Variants in LETM1 observed in about 807,000 individuals in gnomAD.
The protein encoded by LETM1 is mitochondrial proton/calcium exchanger protein.
In LETM1, 50 loss-of-function variants were observed where a neutral mutation model predicts 74.5. The observed-to-expected ratio is 0.67, with a 90% confidence interval of 0.53 to 0.85. LETM1 has a LOEUF of 0.85. Ranked by LOEUF, LETM1 falls within the 40% of genes least tolerant of loss-of-function variation. The pLI is 0.00. For missense variants in LETM1, 824 were observed against 967.8 expected (o/e 0.85, Z 1.97); for synonymous variants, 446 against 407.1 (o/e 1.10, Z -1.15).
In LETM1 at chr4:1,823,746, G is replaced by T; in HGVS notation, c.1230C>A (p.Ile410=). The T allele has an allele frequency of 6.2e-7, 1 of 1,613,446 alleles. No individual in the cohort carries two copies. The highest frequency in any genetic ancestry group is 8.5e-7 in the Non-Finnish European group (1 of 1,179,718). Residue 410 remains isoleucine (I), a synonymous_variant, in exon 8 of 14, where the codon ATC becomes ATA. Coordinates refer to ENST00000302787, the MANE Select transcript of LETM1 (RefSeq NM_012318.3). ...QWLDLHLHQE[I]PTSLLILSRA... The stretch of plus-strand genomic sequence containing the variant: ...GGGACAGGATGAGCAGCGATGTGGG[G>T]ATCTCCTGATGCAGGTGCAGGTCCA...
rs763720097 is a variant in LETM1 at position 1,822,195 on chromosome 4, G to A, written c.1594C>T (p.Leu532=). The part of the protein sequence containing the change: ...SETLKDTAPV[L]EGLKEEEITK... ...TGCCTCATTACCTTCAAGCCCTCCA[G>A]CACCGGGGCAGTGTCCTTCAAGGTC... The change falls in exon 10 of 14, where the codon CTG becomes TTG. Residue 532 remains leucine (L), a synonymous_variant. Transcript: ENST00000302787. 1.2e-5 allele frequency: 17 copies of A among 1,462,650 alleles called. No homozygotes were observed. The highest frequency in any genetic ancestry group is 1.6e-5 in the Non-Finnish European group (17 of 1,093,478). The allele number at this position is 1,462,650 out of a possible 1,614,324, so 90.6% of individuals were successfully genotyped here. A position where few individuals can be genotyped will look rare whatever the true frequency, so the allele number is the denominator to read the frequency against.
chr4:1,817,697 T>C (rs1014969825), intron 11 of LETM1, among the ~76,000 whole-genome samples: 1 of 152,218 alleles, frequency 6.6e-6, no homozygotes, highest in Admixed American at 6.5e-5. Flanking sequence ...GCAAAAGACA[T>C]AGAATCTATT....
chr4:1,837,760 A>G (rs1026545121), intron 3 of LETM1, among the ~76,000 whole-genome samples: 4 of 148,952 alleles, frequency 2.7e-5, no homozygotes, highest in African/African-American at 1.0e-4. Flanking sequence ...CTGGAGTGCA[A>G]TCGCCTGATC....
chr4:1,848,715 C>CAAAA (rs927486416), intron 2 of LETM1, among the ~76,000 whole-genome samples: 23 of 43,830 alleles, frequency 5.2e-4, no homozygotes, highest in Middle Eastern at 0.015. Context: ...GGCTCTGTCT[C>CAAAA]AAAAAAAAAA....
intron 12 of LETM1, among the ~76,000 whole-genome samples, chr4:1,816,045 G>A (rs1351062734): frequency 3.3e-5 from 5 of 152,266 alleles, no homozygotes; most frequent in African/African-American, 1.2e-4. Context: ...GGGCATGTCT[G>A]CCCCTCAGTG....
chr4:1,855,726 C>G (rs1420112073), intron 1 of LETM1, 143 bp downstream of exon 1: 2 of 435,404 alleles, frequency 4.6e-6, no homozygotes, highest in Admixed American at 4.9e-5. Context: ...AGACCCGGGG[C>G]CCCACGGTCC....
chr4:1,844,898 A>AG (rs1483611787), intron 2 of LETM1, among the ~76,000 whole-genome samples: 1 of 151,228 alleles, frequency 6.6e-6, no homozygotes, highest in East Asian at 1.9e-4. Flanking sequence ...AAAAAAAAAA[A>AG]AAAAAAAAAA....
chr4:1,828,366 C>T (rs1282838711), intron 6 of LETM1, among the ~76,000 whole-genome samples: 2 of 109,368 alleles, frequency 1.8e-5, no homozygotes, highest in Admixed American at 8.3e-5. Context: ...GGCGGCTGGC[C>T]GGGCGGGGGG....
intron 10 of LETM1, among the ~76,000 whole-genome samples, chr4:1,820,942 T>C (rs564338572): frequency 6.6e-6 from 1 of 152,158 alleles, no homozygotes; most frequent in Non-Finnish European, 1.5e-5. Flanking sequence ...GAGAATCACT[T>C]GAGCCTGGGA....
At position 1,834,616 on chromosome 4, in the gene LETM1, C is replaced by T. The variant is rs1712399101; in HGVS notation, c.876+229G>A. ...TGCAGGGTGATGAGACACAGACGCC[C>T]ATAATTCTGAAGGCTGACGAGGCGC... On this transcript the variant is annotated intron_variant, in intron 5 of 13. Coordinates refer to ENST00000302787, the MANE Select transcript of LETM1 (RefSeq NM_012318.3). This position sits in a 1 kb window ranked among gnomAD's most constrained non-coding sequence, Gnocchi z 5.0. 1 of 1,367,782 alleles carries T rather than the reference C, an allele frequency of 7.3e-7. No individual in the cohort carries two copies. Among genetic ancestry groups the T allele is most frequent in the Admixed American group, 3.2e-5 (1 of 31,568 alleles). The allele number at this position is 1,367,782 out of a possible 1,614,324, so 84.7% of individuals were successfully genotyped here.
At chr4:1,824,477 G>C (rs1711910584) in intron 7 of LETM1, among the ~76,000 whole-genome samples, 1 of 152,214 alleles carries the variant, frequency 6.6e-6, no homozygotes, top group South Asian at 2.1e-4. Context: ...AAATGGGCAA[G>C]AAAGACCGTG....
At chr4:1,855,052 G>A (rs774863330) in intron 1 of LETM1, among the ~76,000 whole-genome samples, 2 of 152,084 alleles carry the variant, frequency 1.3e-5, no homozygotes, top group Non-Finnish European at 2.9e-5. Context: ...AAAATTAGCT[G>A]GGTGTTGTGT....
In LETM1 at chr4:1,841,601, C is replaced by G. The variant is rs758109935; in HGVS notation, c.340G>C (p.Val114Leu). Residue 114 changes from valine (V) to leucine (L), a missense_variant, in exon 3 of 14, where the codon GTT becomes CTT. Val to Leu is a conservative substitution (Grantham distance 32, BLOSUM62 1). Around this residue, in one of 4 missense-constraint regions of LETM1, gnomAD observed 222 missense variants for 195.6 expected, o/e 1.14. Coordinates refer to ENST00000302787, the MANE Select transcript of LETM1 (RefSeq NM_012318.3). Reference sequence around the variant, plus strand: ...TTCTCTACTACCGAGTCATCGCGAACAGGGCGCGAAGAGTGCCAGCCACGC... The same window carrying G: ...TTCTCTACTACCGAGTCATCGCGAAGAGGGCGCGAAGAGTGCCAGCCACGC... ...PVRGWHSSRP[V>L]RDDSVVEKSL... 32 of 1,614,096 alleles carry G rather than the reference C, an allele frequency of 2.0e-5. No homozygotes were observed. The Admixed American group carries it at 5.3e-4, about 27-fold the overall frequency.
intron 3 of LETM1, among the ~76,000 whole-genome samples, chr4:1,840,529 T>C (rs1712650024): frequency 6.6e-6 from 1 of 151,208 alleles, no homozygotes; most frequent in African/African-American, 2.4e-5. Context: ...TAGCCGGGCG[T>C]GGTGGCGGGT....
intron 1 of LETM1, among the ~76,000 whole-genome samples, chr4:1,854,815 CAAAA>C (rs753144811): frequency 6.7e-6 from 1 of 149,492 alleles, no homozygotes; most frequent in Non-Finnish European, 1.5e-5. Context: ...AACAAACAAA[CAAAA>C]AAAAACAAGA....
At chr4:1,848,331 G>A (rs1292715285) in intron 2 of LETM1, among the ~76,000 whole-genome samples, 3 of 152,066 alleles carry the variant, frequency 2.0e-5, no homozygotes, top group East Asian at 1.9e-4. Context: ...GGCGGATCAC[G>A]AGGTCAGGAG....
At chr4:1,825,837 G>C (rs1711968426) in intron 6 of LETM1, among the ~76,000 whole-genome samples, 154 bp from the exon 7 acceptor site, 1 of 152,160 alleles carries the variant, frequency 6.6e-6, no homozygotes, top group Non-Finnish European at 1.5e-5. Context: ...GAAGTGACTG[G>C]AAGCCTGTGA....
intron 6 of LETM1, among the ~76,000 whole-genome samples, chr4:1,829,535 C>A (rs950139133): frequency 6.6e-6 from 1 of 152,266 alleles, no homozygotes; most frequent in Non-Finnish European, 1.5e-5. Context: ...CCGTTCTTGG[C>A]CAGGAACAGT....
chr4:1,850,141 T>A (rs1273128786), intron 1 of LETM1, among the ~76,000 whole-genome samples: 1 of 149,612 alleles, frequency 6.7e-6, no homozygotes, highest in Admixed American at 6.7e-5. Context: ...GCAACAAGAG[T>A]GAAACTCCGT....
Sources: gnomAD v4.1 joint callset for allele counts (sites outside exome capture counted in the v4.1 genomes callset) on GRCh38, gnomAD v4.1.1 for gene constraint, gnomAD v4.1.1 regional missense constraint, Gnocchi (gnomAD v3.1) non-coding constraint, MANE v1.5 for transcripts, NCBI Gene and HGNC (gene_info 2026-07-23, HGNC 2026-07-21) for gene names.